CNTLN: variants seen among roughly 807,000 people sequenced by gnomAD.
CNTLN encodes the protein centlein, centrosomal protein.
CNTLN carries 212 observed loss-of-function variants against 180.0 expected under a neutral mutation model. That is an observed-to-expected ratio of 1.18 (90% CI 1.05 to 1.32). CNTLN has a LOEUF of 1.32. Ranked by LOEUF, CNTLN falls within the 40% of genes most tolerant of loss-of-function variation. The probability of loss-of-function intolerance (pLI) is 0.00; values close to 1 mark genes in which losing one functional copy is unlikely to be tolerated. For missense variants in CNTLN, 2,095 were observed against 1,610.9 expected (o/e 1.30, Z -5.14); for synonymous variants, 722 against 563.1 (o/e 1.28, Z -3.99).
chr9:17,476,224 G>A (rs1027129211), intron 23 of CNTLN, among the ~76,000 whole-genome samples: 1 of 152,116 alleles, frequency 6.6e-6, no homozygotes, highest in East Asian at 1.9e-4. Context: ...GAAATTGATA[G>A]ATAAATATTA....
chr9:17,230,088 G>A (rs10962917), intron 3 of CNTLN, among the ~76,000 whole-genome samples: 46,578 of 152,122 alleles, frequency 0.31, 9,603 homozygotes, highest in East Asian at 0.6. Context: ...GGCTGGGACT[G>A]TGTACAGCCA....
intron 18 of CNTLN, among the ~76,000 whole-genome samples, chr9:17,417,174 T>A (rs969523059): frequency 6.6e-6 from 1 of 152,168 alleles, no homozygotes. Context: ...CTGAGCTCTA[T>A]GTTAGAATTT....
At chr9:17,302,568 G>T (rs756237549) in intron 7 of CNTLN, among the ~76,000 whole-genome samples, 4 of 151,996 alleles carry the variant, frequency 2.6e-5, no homozygotes, top group African/African-American at 4.8e-5. Flanking sequence ...AATGTACGGG[G>T]GTCATGGATT....
At chr9:17,249,473 C>G (rs577177722) in intron 5 of CNTLN, among the ~76,000 whole-genome samples, 3 of 151,510 alleles carry the variant, frequency 2.0e-5, no homozygotes, top group Admixed American at 1.3e-4. Flanking sequence ...TTCAGCCTCC[C>G]GAGTAGCTGG....
At chr9:17,230,795 G>A (rs914922616) in intron 3 of CNTLN, among the ~76,000 whole-genome samples, 3 of 152,178 alleles carry the variant, frequency 2.0e-5, no homozygotes, top group South Asian at 4.2e-4. Flanking sequence ...TTATGAAAAT[G>A]TGTCACCTCT....
chr9:17,365,940 T>A (rs900609498), intron 12 of CNTLN, among the ~76,000 whole-genome samples: 1 of 152,190 alleles, frequency 6.6e-6, no homozygotes, highest in Non-Finnish European at 1.5e-5. Context: ...AGTGAGACTT[T>A]GTCTAAAAAC....
At chr9:17,254,991 G>A (rs1464622201) in intron 5 of CNTLN, among the ~76,000 whole-genome samples, 2 of 151,640 alleles carry the variant, frequency 1.3e-5, no homozygotes, top group Non-Finnish European at 3.0e-5. Context: ...CAGTGTACAA[G>A]TCTTTCACCC....
chr9:17,270,776 T>G (rs1220853883), intron 5 of CNTLN, among the ~76,000 whole-genome samples: 1 of 152,170 alleles, frequency 6.6e-6, no homozygotes, highest in Non-Finnish European at 1.5e-5. Context: ...ATTTGTAACA[T>G]TTTAAATTAT....
intron 18 of CNTLN, among the ~76,000 whole-genome samples, chr9:17,434,331 A>C (rs1200726971): frequency 6.6e-6 from 1 of 151,616 alleles, no homozygotes; most frequent in East Asian, 1.9e-4. Flanking sequence ...AAGATCTTAG[A>C]ATTCTCTTTT....
intron 18 of CNTLN, among the ~76,000 whole-genome samples, chr9:17,456,806 A>AGAT (rs1303157545): frequency 6.6e-6 from 1 of 152,168 alleles, no homozygotes; most frequent in Non-Finnish European, 1.5e-5. Flanking sequence ...TGCTCACTAT[A>AGAT]GATGGGTGAA....
chr9:17,312,343 T>G (rs28480560), intron 8 of CNTLN, among the ~76,000 whole-genome samples: 5 of 30,372 alleles, frequency 1.6e-4, no homozygotes, highest in Admixed American at 3.9e-4. Context: ...ATTACTGTAT[T>G]TATATATATA....
chr9:17,401,924 T>C (rs923471663), intron 15 of CNTLN, among the ~76,000 whole-genome samples: 3 of 151,372 alleles, frequency 2.0e-5, no homozygotes, highest in Non-Finnish European at 4.4e-5. Flanking sequence ...AAAGGACTAA[T>C]ATCCAGAAGA....
Position 17,500,304 on chromosome 9 carries a change from C to G in CNTLN, c.4120-2247C>G, listed in dbSNP as rs7036629. 8.9e-3 allele frequency among the ~76,000 whole-genome samples: 1,348 copies of G among 152,224 alleles called. 21 individuals are homozygous for G. The highest frequency in any genetic ancestry group is 0.031 in the African/African-American group (1,277 of 41,550). ...CTTCCCATTCCACATTGGAGGCTTT[C>G]TGGAAGAGTTATTTGAGCTTGACTT... On this transcript the variant is annotated intron_variant, in intron 25 of 25. Coordinates refer to ENST00000380647, the MANE Select transcript of CNTLN (RefSeq NM_017738.4).
At chr9:17,333,755 C>A (rs1820798891) in intron 10 of CNTLN, among the ~76,000 whole-genome samples, 1 of 151,578 alleles carries the variant, frequency 6.6e-6, no homozygotes, top group Non-Finnish European at 1.5e-5. Context: ...ATAACATGTC[C>A]AAATGACCTC....
intron 13 of CNTLN, among the ~76,000 whole-genome samples, chr9:17,387,700 G>T (rs1472591862): frequency 1.3e-5 from 2 of 151,952 alleles, no homozygotes; most frequent in Non-Finnish European, 2.9e-5. Flanking sequence ...AAAGGTTGTG[G>T]TAGGGGTTGT....
chr9:17,241,333 T>C (rs558010168), intron 5 of CNTLN, among the ~76,000 whole-genome samples: 6 of 152,362 alleles, frequency 3.9e-5, no homozygotes, highest in African/African-American at 1.4e-4. Flanking sequence ...AAAGGTATTT[T>C]CTTGGCACTT....
chr9:17,221,895 A>C (rs1330912410), intron 2 of CNTLN, among the ~76,000 whole-genome samples: 3 of 152,074 alleles, frequency 2.0e-5, no homozygotes, highest in Admixed American at 2.0e-4. Flanking sequence ...AACTGTATCT[A>C]CCAACATATC....
chr9:17,232,804 C>G (rs950708706), intron 3 of CNTLN, among the ~76,000 whole-genome samples: 9 of 151,718 alleles, frequency 5.9e-5, no homozygotes, highest in African/African-American at 2.2e-4. Context: ...GCAAGAATTA[C>G]AAAATACTGA....
chr9:17,415,103 A>C (rs1423489327), intron 16 of CNTLN, among the ~76,000 whole-genome samples: 1 of 152,022 alleles, frequency 6.6e-6, no homozygotes, highest in Non-Finnish European at 1.5e-5. Flanking sequence ...AAAAAAAAAA[A>C]TCTTAAGACC....
Sources: gnomAD v4.1 joint callset for allele counts (sites outside exome capture counted in the v4.1 genomes callset) on GRCh38, gnomAD v4.1.1 for gene constraint, MANE v1.5 for transcripts, NCBI Gene and HGNC (gene_info 2026-07-23, HGNC 2026-07-21) for gene names.